The following CRACD variants were observed in gnomAD, a reference collection of about 807,000 sequenced individuals.
CRACD encodes capping protein inhibiting regulator of actin dynamics.
In CRACD, 56 loss-of-function variants were observed where a neutral mutation model predicts 106.8. The observed-to-expected ratio is 0.52, with a 90% CI of 0.42 to 0.66. The LOEUF is 0.66. CRACD is among the 30% of genes least tolerant of loss of function. The pLI is 0.00. For missense variants in CRACD, 1,730 were observed against 1,623.2 expected (o/e 1.07, Z -1.13); for synonymous variants, 754 against 670.8 (o/e 1.12, Z -1.92).
chr4:56,254,341 T>C (rs993098063), intron 2 of CRACD, among the ~76,000 whole-genome samples: 2 of 151,602 alleles, frequency 1.3e-5, no homozygotes, highest in Non-Finnish European at 2.9e-5. Context: ...CAGTCTGGAA[T>C]CCTGAGACAG....
At chr4:56,271,425 G>A (rs1250435756) in intron 2 of CRACD, among the ~76,000 whole-genome samples, 2 of 152,130 alleles carry the variant, frequency 1.3e-5, no homozygotes, top group Admixed American at 1.3e-4. Context: ...AAAGAGACAA[G>A]GGAAATAAAC....
chr4:56,082,270 C>T (rs989807925), intron 1 of CRACD, among the ~76,000 whole-genome samples: 4 of 152,064 alleles, frequency 2.6e-5, no homozygotes, highest in African/African-American at 9.7e-5. Flanking sequence ...GGGCCAAAAG[C>T]AGGAAGGAGC....
At chr4:56,095,492 G>T (rs1435801332) in intron 1 of CRACD, among the ~76,000 whole-genome samples, 2 of 152,160 alleles carry the variant, frequency 1.3e-5, no homozygotes, top group African/African-American at 2.4e-5. Flanking sequence ...CTGAGCAAAG[G>T]CTTGAAGAAA....
At chr4:56,231,068 A>G (rs1560493688) in intron 2 of CRACD, among the ~76,000 whole-genome samples, 1 of 119,190 alleles carries the variant, frequency 8.4e-6, no homozygotes, top group Non-Finnish European at 2.0e-5. Context: ...CAAAACAAAC[A>G]AACAAAAAAA....
chr4:56,303,990 C>T (rs1054649072), intron 4 of CRACD, among the ~76,000 whole-genome samples: 7 of 152,314 alleles, frequency 4.6e-5, no homozygotes, highest in African/African-American at 1.2e-4. Context: ...CTAAGATGCA[C>T]ACTTTCATTC....
rs78933697 is a variant in CRACD at position 56,302,476 on chromosome 4, G to A, written c.120+4127G>A. Among the ~76,000 whole-genome samples, 462 of 152,196 alleles carry A rather than the reference G, an allele frequency of 3.0e-3. 7 individuals carry two copies. The East Asian group carries it at 0.047, about 15-fold the overall frequency. On this transcript the variant is annotated intron_variant, in intron 4 of 10. Transcript: ENST00000682029. ...ATTATCTGGTGTAGGAGGGAACACC[G>A]CCATCCTGAGTGGCTTGTATCTCCC...
intron 1 of CRACD, among the ~76,000 whole-genome samples, chr4:56,162,011 G>A (rs1237399755): frequency 1.3e-5 from 2 of 151,942 alleles, no homozygotes; most frequent in African/African-American, 4.8e-5. Context: ...TGATCTGCCC[G>A]CCTCGGCCTC....
intron 2 of CRACD, among the ~76,000 whole-genome samples, chr4:56,217,073 C>T (rs1738741700): frequency 6.7e-6 from 1 of 148,384 alleles, no homozygotes; most frequent in Non-Finnish European, 1.5e-5. Context: ...TTTTGATTAA[C>T]ATTCAGAGGG....
rs759675795 is a variant in CRACD at position 56,315,459 on chromosome 4, A to G, written c.1957A>G (p.Lys653Glu). The G allele has an allele frequency of 2.5e-6, 4 of 1,612,934 alleles. No homozygotes were observed. The South Asian group carries it at 3.3e-5, about 13-fold the overall frequency. The part of the protein sequence containing the change: ...GDARAGSGKA[K>E]PRQESPSSAS... The stretch of plus-strand genomic sequence containing the variant: ...CGCGAGGGCGGGCAGCGGGAAGGCT[A>G]AGCCCCGCCAGGAGTCTCCCAGCAG... The change falls in exon 8 of 11, where the codon AAG (lysine) becomes GAG (glutamate). Residue 653 changes from lysine (K) to glutamate (E), a missense_variant. Lys to Glu is a moderately conservative substitution (Grantham distance 56). Transcript: ENST00000682029. The surrounding 1 kb of genome is among the most constrained non-coding windows in gnomAD (Gnocchi z 4.1).
chr4:56,055,333 G>A (rs527897098), intron 1 of CRACD, among the ~76,000 whole-genome samples: 1 of 152,044 alleles, frequency 6.6e-6, no homozygotes. Context: ...GGAATAATCA[G>A]CGAAAATTCT....
chr4:56,148,141 G>A (rs569969916), intron 1 of CRACD, among the ~76,000 whole-genome samples: 1 of 152,298 alleles, frequency 6.6e-6, no homozygotes, highest in African/African-American at 2.4e-5. Context: ...CAAACTGTGA[G>A]AAAATAAATT....
At chr4:56,125,631 T>C (rs4865056) in intron 1 of CRACD, among the ~76,000 whole-genome samples, 87,897 of 151,834 alleles carry the variant, frequency 0.58, 25,695 homozygotes, top group African/African-American at 0.67. Flanking sequence ...TGTCCAGGTT[T>C]GTCTTGCATT....
chr4:56,209,969 G>A (rs545411481), intron 2 of CRACD, among the ~76,000 whole-genome samples: 8 of 152,192 alleles, frequency 5.3e-5, no homozygotes, highest in African/African-American at 1.2e-4. Context: ...CTGTGAGGTC[G>A]ATGCCCTGGA....
chr4:56,203,430 G>T (rs538641680), intron 2 of CRACD, among the ~76,000 whole-genome samples: 1 of 152,228 alleles, frequency 6.6e-6, no homozygotes, highest in Non-Finnish European at 1.5e-5. Context: ...GCTGCAGGAT[G>T]ACTTCAGTGT....
chr4:56,183,231 C>T (rs1736919002), intron 2 of CRACD, among the ~76,000 whole-genome samples: 2 of 37,222 alleles, frequency 5.4e-5, no homozygotes, highest in Admixed American at 4.9e-4. Flanking sequence ...GAAACTCCGT[C>T]TCAAAAAATA....
At chr4:56,146,063 C>A (rs900386260) in intron 1 of CRACD, among the ~76,000 whole-genome samples, 1 of 152,014 alleles carries the variant, frequency 6.6e-6, no homozygotes, top group East Asian at 1.9e-4. Context: ...CTGCATATAC[C>A]GTTGACTTCA....
intron 2 of CRACD, among the ~76,000 whole-genome samples, chr4:56,249,553 T>C (rs920484890): frequency 6.6e-6 from 1 of 152,198 alleles, no homozygotes. Flanking sequence ...GTAGTTTCTT[T>C]TTCAATGCAT....
At chr4:56,171,529 G>T (rs969752006) in intron 1 of CRACD, among the ~76,000 whole-genome samples, 4 of 152,142 alleles carry the variant, frequency 2.6e-5, no homozygotes, top group African/African-American at 9.7e-5. Context: ...GGTTATTGGT[G>T]ACTTTGAAAA....
At chr4:56,075,293 T>C (rs972121543) in intron 1 of CRACD, among the ~76,000 whole-genome samples, 2 of 152,168 alleles carry the variant, frequency 1.3e-5, no homozygotes, top group Non-Finnish European at 2.9e-5. Context: ...CTGGTAGAAT[T>C]TGGCCGTGAA....
Sources: allele counts gnomAD v4.1 joint callset (sites outside exome capture counted in the v4.1 genomes callset), GRCh38; gene constraint gnomAD v4.1.1; non-coding constraint Gnocchi (gnomAD v3.1); transcripts MANE v1.5; gene names NCBI Gene and HGNC (gene_info 2026-07-23, HGNC 2026-07-21).